TTC27: variants seen among roughly 807,000 people sequenced by gnomAD.
TTC27 encodes the protein tetratricopeptide repeat domain 27.
Under a neutral mutation model 115.9 loss-of-function variants are expected in TTC27, and 79 were observed. The observed-to-expected ratio is 0.68, with a 90% CI of 0.57 to 0.82. The LOEUF (loss-of-function observed/expected upper bound fraction) is 0.82. Among genes scored for constraint, TTC27 ranks in the 40% least tolerant of loss-of-function variants. The pLI is 0.00. For missense variants in TTC27, 1,054 were observed against 993.1 expected (o/e 1.06, Z -0.82); for synonymous variants, 401 against 356.0 (o/e 1.13, Z -1.42).
chr2:32,741,658 CAA>C (rs1231739522), intron 12 of TTC27, among the ~76,000 whole-genome samples: 1 of 59,938 alleles, frequency 1.7e-5, no homozygotes, highest in East Asian at 7.5e-4. Context: ...ATAAAAAAAA[CAA>C]AAAACAAAAC....
intron 13 of TTC27, among the ~76,000 whole-genome samples, chr2:32,764,890 T>C (rs1168810924): frequency 2.0e-5 from 3 of 152,236 alleles, no homozygotes; most frequent in African/African-American, 7.2e-5. Flanking sequence ...TATCATGAGA[T>C]TATGGCAATT....
chr2:32,658,019 G>C (rs1665395791), intron 5 of TTC27, among the ~76,000 whole-genome samples: 1 of 152,180 alleles, frequency 6.6e-6, no homozygotes, highest in South Asian at 2.1e-4. Context: ...GGTAGAGACA[G>C]GGTTTCACCA....
intron 8 of TTC27, among the ~76,000 whole-genome samples, chr2:32,677,448 C>G (rs996849602): frequency 1.3e-5 from 2 of 151,816 alleles, no homozygotes; most frequent in African/African-American, 4.8e-5. Flanking sequence ...TAGTGCCAAA[C>G]TGTTTTCTTC....
intron 5 of TTC27, among the ~76,000 whole-genome samples, chr2:32,656,671 A>G (rs1665332702): frequency 6.6e-6 from 1 of 152,184 alleles, no homozygotes; most frequent in Non-Finnish European, 1.5e-5. Flanking sequence ...CTGGGCCTAT[A>G]CCAGTGGATG....
At chr2:32,784,971 T>C (rs1670299767) in intron 15 of TTC27, among the ~76,000 whole-genome samples, 1 of 152,232 alleles carries the variant, frequency 6.6e-6, no homozygotes, top group South Asian at 2.1e-4. Context: ...TCCTTTCTTT[T>C]TGAGTTCCCT....
intron 13 of TTC27, among the ~76,000 whole-genome samples, chr2:32,762,659 AG>A (rs1669485097): frequency 6.6e-6 from 1 of 150,672 alleles, no homozygotes; most frequent in African/African-American, 2.4e-5. Context: ...TTTGAGATGG[AG>A]TCTCGCTCTG....
intron 9 of TTC27, among the ~76,000 whole-genome samples, chr2:32,690,976 C>G (rs1192103707): frequency 6.6e-6 from 1 of 152,142 alleles, no homozygotes; most frequent in Non-Finnish European, 1.5e-5. Flanking sequence ...CACAGGAGAG[C>G]TCTGAGCTGG....
At chr2:32,724,599 A>T (rs1225967310) in intron 10 of TTC27, among the ~76,000 whole-genome samples, 1 of 152,180 alleles carries the variant, frequency 6.6e-6, no homozygotes, top group African/African-American at 2.4e-5. Flanking sequence ...ATGTGATAAA[A>T]TGGAAAGTAC....
chr2:32,655,593 C>G (rs1326778377), intron 5 of TTC27, among the ~76,000 whole-genome samples: 3 of 152,286 alleles, frequency 2.0e-5, no homozygotes, highest in Non-Finnish European at 4.4e-5. Context: ...GTTTTGTAGT[C>G]CAGCTTCTCA....
chr2:32,742,401 T>A (rs1668675777), intron 12 of TTC27, among the ~76,000 whole-genome samples: 1 of 152,254 alleles, frequency 6.6e-6, no homozygotes. Flanking sequence ...TGTTTCATCT[T>A]GGACCTGGAG....
At chr2:32,675,439 A>G (rs1368729587) in intron 8 of TTC27, among the ~76,000 whole-genome samples, 1 of 152,194 alleles carries the variant, frequency 6.6e-6, no homozygotes, top group Non-Finnish European at 1.5e-5. Flanking sequence ...TCTTTTCTGG[A>G]TACTTGTTTT....
chr2:32,718,550 G>A (rs1410601250), intron 10 of TTC27, among the ~76,000 whole-genome samples: 1 of 152,088 alleles, frequency 6.6e-6, no homozygotes, highest in African/African-American at 2.4e-5. Context: ...TGAATTATCT[G>A]TCCTCAGGTA....
intron 4 of TTC27, among the ~76,000 whole-genome samples, chr2:32,649,545 ATT>A (rs202170602): frequency 1.7e-3 from 229 of 136,188 alleles, no homozygotes; most frequent in African/African-American, 4.2e-3. Flanking sequence ...TGAATACAAC[ATT>A]TTTTTTTTTT....
chr2:32,768,732 T>A (rs915754625), intron 13 of TTC27, among the ~76,000 whole-genome samples: 1 of 152,178 alleles, frequency 6.6e-6, no homozygotes, highest in Non-Finnish European at 1.5e-5. Context: ...GCTTGAGTGG[T>A]AAGCATGGAA....
intron 10 of TTC27, among the ~76,000 whole-genome samples, chr2:32,719,583 T>C (rs1201004619): frequency 6.6e-6 from 1 of 152,224 alleles, no homozygotes; most frequent in Non-Finnish European, 1.5e-5. Flanking sequence ...AGCTAGCTTA[T>C]GAAGATCATC....
chr2:32,682,989 G>A (rs1212658307), intron 9 of TTC27, among the ~76,000 whole-genome samples: 1 of 151,544 alleles, frequency 6.6e-6, no homozygotes. Flanking sequence ...GAGTAGCTGG[G>A]ACTACAGGTG....
chr2:32,629,053 C>T (rs929233486), intron 1 of TTC27, among the ~76,000 whole-genome samples: 8 of 151,860 alleles, frequency 5.3e-5, no homozygotes, highest in African/African-American at 1.9e-4. Context: ...AGCCACCGCG[C>T]CCGGGTCTGG....
In TTC27 at chr2:32,705,104, C is replaced by G. The variant is rs549707949; in HGVS notation, c.1233+2184C>G. The G allele has an allele frequency of 4.3e-4, 146 of 342,378 alleles. 1 individual carries two copies. The highest frequency in any genetic ancestry group is 3.3e-3 in the South Asian group (140 of 42,558). 21.2% of individuals were successfully genotyped at this position (342,378 alleles called of 1,614,324 possible). A position where few individuals can be genotyped will look rare whatever the true frequency, so the allele number is the denominator to read the frequency against. ...TGTTGGGGTCACGGGAGGGAGCAGA[C>G]CCCTCATGAATATCCTAGTGCCCTC... is the stretch of plus-strand genomic sequence containing the variant. On this transcript the variant is annotated intron_variant, in intron 10 of 19. Transcript: ENST00000317907.
chr2:32,683,629 T>C (rs1367506357), intron 9 of TTC27, among the ~76,000 whole-genome samples: 2 of 152,212 alleles, frequency 1.3e-5, no homozygotes, highest in Non-Finnish European at 2.9e-5. Context: ...ATTTCTGAGA[T>C]ATTATATCTG....
Sources: allele counts gnomAD v4.1 joint callset (sites outside exome capture counted in the v4.1 genomes callset), GRCh38; gene constraint gnomAD v4.1.1; transcripts MANE v1.5; gene names NCBI Gene and HGNC (gene_info 2026-07-23, HGNC 2026-07-21).